Variants in PIK3C2G observed in about 807,000 individuals in gnomAD.
PIK3C2G encodes the protein phosphatidylinositol 3-kinase C2 domain-containing subunit gamma.
PIK3C2G carries 168 observed loss-of-function variants against 181.1 expected under a neutral mutation model. The ratio of observed to expected loss-of-function variants is 0.93; its 90% CI spans 0.82 to 1.05. The LOEUF (loss-of-function observed/expected upper bound fraction) is 1.05. Ranked by LOEUF, PIK3C2G falls within the 50% of genes least tolerant of loss-of-function variation. The probability of loss-of-function intolerance (pLI) is 0.00; values close to 1 mark genes in which losing one functional copy is unlikely to be tolerated. For synonymous variants in PIK3C2G, 573 were observed against 592.2 expected (o/e 0.97, Z 0.47); for missense variants, 1,869 against 1,732.8 (o/e 1.08, Z -1.40).
At chr12:18,480,185 G>A (rs1311728949) in intron 18 of PIK3C2G, among the ~76,000 whole-genome samples, 4 of 152,122 alleles carry the variant, frequency 2.6e-5, no homozygotes, top group Non-Finnish European at 4.4e-5. Context: ...TGTGCCCAGG[G>A]CTAAAATTCC....
At chr12:18,287,530 T>C (rs1591831780) in intron 3 of PIK3C2G, among the ~76,000 whole-genome samples, 1 of 152,200 alleles carries the variant, frequency 6.6e-6, no homozygotes. Flanking sequence ...TTCTACCTCT[T>C]CTGTTGCTAG....
chr12:18,348,754 A>T (rs1232524074), intron 11 of PIK3C2G, among the ~76,000 whole-genome samples: 1 of 152,166 alleles, frequency 6.6e-6, no homozygotes, highest in African/African-American at 2.4e-5. Flanking sequence ...TTAATACATA[A>T]CCAATTACCC....
the PIK3C2G span, among the ~76,000 whole-genome samples, chr12:18,706,948 AG>A: frequency 6.6e-6 from 1 of 152,198 alleles, no homozygotes. Flanking sequence ...AAGGCACTGA[AG>A]AAGAATCCTC....
chr12:18,649,911 C>G (rs1185587812), downstream of PIK3C2G, among the ~76,000 whole-genome samples: 2 of 152,062 alleles, frequency 1.3e-5, no homozygotes, highest in Non-Finnish European at 2.9e-5. Context: ...TGTGTGGGAG[C>G]ATGCTCCTCT....
At chr12:18,530,723 A>G (rs147384371) in intron 24 of PIK3C2G, among the ~76,000 whole-genome samples, 3 of 152,244 alleles carry the variant, frequency 2.0e-5, no homozygotes, top group Non-Finnish European at 1.5e-5. Context: ...TGTGATAGGC[A>G]GTGAATTCTC....
At chr12:18,430,305 A>G (rs1313944016) in intron 18 of PIK3C2G, among the ~76,000 whole-genome samples, 1 of 152,274 alleles carries the variant, frequency 6.6e-6, no homozygotes, top group South Asian at 2.1e-4. Flanking sequence ...GAGAGAACCA[A>G]TTGGAATGAA....
In PIK3C2G at chr12:18,505,293, C is replaced by T. The variant is rs778842175; in HGVS notation, c.3155C>T (p.Ala1052Val). The change falls in exon 24 of 33, where the codon GCC becomes GTC. Residue 1052 changes from alanine (A) to valine (V), a missense_variant and splice_region_variant. Physicochemically the swap from Ala to Val is moderately conservative, Grantham distance 64. Coordinates refer to ENST00000538779, the MANE Select transcript of PIK3C2G (RefSeq NM_001288772.2). ...HNHLKADYEKALRNFFYSCAG... is the reference protein window; with the variant it reads ...HNHLKADYEKVLRNFFYSCAG... ...CATGATTGTTTTTCAATGAATTAGG[C>T]CTTGAGGAACTTTTTCTACTCCTGT... The T allele has an allele frequency of 1.3e-6, 2 of 1,590,794 alleles. No homozygotes were observed. The highest frequency in any genetic ancestry group is 1.7e-5 in the Admixed American group (1 of 57,396).
At chr12:18,659,792 T>A in the PIK3C2G span, among the ~76,000 whole-genome samples, 1,451 of 152,114 alleles carry the variant, frequency 9.5e-3, 19 homozygotes, top group African/African-American at 0.033. Context: ...TTATTTAGCA[T>A]TATGTATATC....
At chr12:18,550,312 G>A (rs1422032783) in intron 26 of PIK3C2G, among the ~76,000 whole-genome samples, 9 of 152,046 alleles carry the variant, frequency 5.9e-5, no homozygotes, top group Admixed American at 5.9e-4. Flanking sequence ...ACAATGAATA[G>A]AGTGAATTTA....
At chr12:18,488,406 T>G in intron 18 of PIK3C2G, 43 bp from the exon 19 acceptor site, 1 of 1,363,408 alleles carries the variant, frequency 7.3e-7, no homozygotes, top group Non-Finnish European at 9.7e-7. Context: ...GTTTAAAAAA[T>G]TAGCTTTACA....
At chr12:18,584,518 A>G (rs1231430554) in intron 29 of PIK3C2G, among the ~76,000 whole-genome samples, 1 of 152,190 alleles carries the variant, frequency 6.6e-6, no homozygotes, top group Non-Finnish European at 1.5e-5. Context: ...AGAAACGAAC[A>G]AAACCTCTGA....
rs1403167209 is a variant in PIK3C2G at position 18,621,022 on chromosome 12, G to A, written c.4182+11393G>A. On this transcript the variant is annotated intron_variant, in intron 31 of 32. Transcript: ENST00000538779. ...TTCTTTTTCAATCTGTCTTCTCCCT[G>A]TAGTAAGAAAAACATATGAACTTAA... 2.6e-5 allele frequency among the ~76,000 whole-genome samples: 4 copies of A among 151,878 alleles called. No individual in the cohort carries two copies. In the South Asian group the frequency reaches 8.3e-4, roughly 32 times the overall value.
At position 18,394,047 on chromosome 12, in the gene PIK3C2G, C is replaced by T. The variant is rs1316895380; in HGVS notation, c.2126+2795C>T. ...CTTTCCAGGGCCTACAAGAGAACTG[C>T]TTCAGGGAGATGTAAAATAAATGTG... On this transcript the variant is annotated intron_variant, in intron 15 of 32. Coordinates refer to ENST00000538779, the MANE Select transcript of PIK3C2G (RefSeq NM_001288772.2). Among the ~76,000 whole-genome samples the T allele has an allele frequency of 5.9e-5, 9 of 152,084 alleles. No homozygotes were observed. The East Asian group carries it at 1.5e-3, about 26-fold the overall frequency.
chr12:18,293,492 T>G (rs1454846841), intron 4 of PIK3C2G, among the ~76,000 whole-genome samples: 2 of 152,094 alleles, frequency 1.3e-5, no homozygotes, highest in Non-Finnish European at 2.9e-5. Context: ...GAAGGAGCAA[T>G]ATGTCTCACT....
chr12:18,435,981 A>G (rs554057547), intron 18 of PIK3C2G, among the ~76,000 whole-genome samples: 3 of 151,908 alleles, frequency 2.0e-5, no homozygotes, highest in Admixed American at 1.3e-4. Context: ...AAAAAAAAAA[A>G]CCCTGATTCA....
At chr12:18,671,988 C>T in the PIK3C2G span, among the ~76,000 whole-genome samples, 1 of 152,124 alleles carries the variant, frequency 6.6e-6, no homozygotes, top group Non-Finnish European at 1.5e-5. Context: ...AAATCCCATA[C>T]ATGAGGGCTA....
the PIK3C2G span, among the ~76,000 whole-genome samples, chr12:18,700,538 A>AG: frequency 2.2e-5 from 3 of 135,982 alleles, no homozygotes. Flanking sequence ...AAAAAAAAAT[A>AG]GTTGCTCTGC....
In PIK3C2G at chr12:18,430,453, C is replaced by G. The variant is rs575611771; in HGVS notation, c.2504+6414C>G. ...CTGAAGTGAGGCTCCCATTTGCAAG[C>G]TCTATCAATGTAAGGATCTTTTTTC... On this transcript the variant is annotated intron_variant, in intron 18 of 32. Transcript: ENST00000538779. 2.7e-4 allele frequency among the ~76,000 whole-genome samples: 41 copies of G among 152,298 alleles called. 1 individual carries two copies. The highest frequency in any genetic ancestry group is 9.6e-4 in the African/African-American group (40 of 41,562).
intron 24 of PIK3C2G, among the ~76,000 whole-genome samples, chr12:18,506,482 G>A (rs1222649992): frequency 6.6e-6 from 1 of 152,120 alleles, no homozygotes; most frequent in Admixed American, 6.6e-5. Flanking sequence ...AGTAAAAACC[G>A]ACAGATTCAG....
Sources: allele counts gnomAD v4.1 joint callset (sites outside exome capture counted in the v4.1 genomes callset), GRCh38; gene constraint gnomAD v4.1.1; transcripts MANE v1.5; gene names NCBI Gene and HGNC (gene_info 2026-07-23, HGNC 2026-07-21).